The following SGCZ variants were observed in gnomAD, a reference collection of about 807,000 sequenced individuals.
The protein encoded by SGCZ is zeta-sarcoglycan.
In SGCZ, 40 loss-of-function variants were observed where a neutral mutation model predicts 41.3. The ratio of observed to expected loss-of-function variants is 0.97; its 90% CI spans 0.75 to 1.26. SGCZ has a LOEUF of 1.26. SGCZ is among the 50% of genes most tolerant of loss of function. The pLI is 0.00. For missense variants in SGCZ, 552 were observed against 369.8 expected, an observed-to-expected ratio of 1.49 and a Z score of -4.04; for synonymous variants, 206 against 137.5, an observed-to-expected ratio of 1.50 and a Z score of -3.49.
intron 2 of SGCZ, among the ~76,000 whole-genome samples, chr8:14,342,114 C>T (rs921291670): frequency 1.3e-5 from 2 of 152,028 alleles, no homozygotes; most frequent in Non-Finnish European, 2.9e-5. Context: ...AATGGCTTTG[C>T]CCAAATGCTG....
intron 7 of SGCZ, among the ~76,000 whole-genome samples, chr8:14,094,297 C>A (rs554909742): frequency 6.6e-6 from 1 of 152,092 alleles, no homozygotes; most frequent in East Asian, 1.9e-4. Context: ...CCCTAGCCCC[C>A]CCATGCCAGA....
intron 1 of SGCZ, among the ~76,000 whole-genome samples, chr8:14,935,811 T>A (rs1200540753): frequency 6.6e-6 from 1 of 151,324 alleles, no homozygotes; most frequent in African/African-American, 2.4e-5. Flanking sequence ...AGACGAAAGA[T>A]CAAAACAGCA....
In SGCZ at chr8:14,404,227, T is replaced by C. The variant is rs1291054320; in HGVS notation, c.235-80023A>G. Among the ~76,000 whole-genome samples the C allele has an allele frequency of 3.9e-5, 6 of 152,230 alleles. No individual in the cohort carries two copies. In the South Asian group the frequency reaches 8.3e-4, roughly 21 times the overall value. On this transcript the variant is annotated intron_variant, in intron 2 of 7. Transcript: ENST00000382080. Reference sequence around the variant, plus strand: ...ACATTTGTCAAGTGCAATTTGTTTTTTTAATCACATAAAACTTTGCCAGTG... The same window carrying C: ...ACATTTGTCAAGTGCAATTTGTTTTCTTAATCACATAAAACTTTGCCAGTG...
intron 1 of SGCZ, among the ~76,000 whole-genome samples, chr8:14,916,596 C>T (rs1799445074): frequency 6.6e-6 from 1 of 152,180 alleles, no homozygotes; most frequent in African/African-American, 2.4e-5. Context: ...AGTTAACAAA[C>T]TTGCCTTTAA....
At chr8:15,109,533 G>T (rs1304959672) in intron 1 of SGCZ, among the ~76,000 whole-genome samples, 1 of 152,090 alleles carries the variant, frequency 6.6e-6, no homozygotes, top group Non-Finnish European at 1.5e-5. Flanking sequence ...AGATTTAATT[G>T]CAAATTTGAA....
intron 1 of SGCZ, among the ~76,000 whole-genome samples, chr8:14,850,759 C>G (rs1337125375): frequency 6.6e-6 from 1 of 152,032 alleles, no homozygotes; most frequent in African/African-American, 2.4e-5. Flanking sequence ...GGCAGTTTCC[C>G]CACCGCTGTT....
At chr8:14,642,493 C>T (rs1807060454) in intron 1 of SGCZ, among the ~76,000 whole-genome samples, 1 of 151,278 alleles carries the variant, frequency 6.6e-6, no homozygotes, top group Non-Finnish European at 1.5e-5. Flanking sequence ...ATGTAAGTTA[C>T]AATATGTAAG....
chr8:15,161,018 G>A (rs1366586280), intron 1 of SGCZ, among the ~76,000 whole-genome samples: 1 of 152,056 alleles, frequency 6.6e-6, no homozygotes, highest in Non-Finnish European at 1.5e-5. Flanking sequence ...GTCAAATCAT[G>A]ATGCTCTCCT....
At chr8:14,231,056 G>T (rs974397697) in intron 4 of SGCZ, among the ~76,000 whole-genome samples, 2 of 151,766 alleles carry the variant, frequency 1.3e-5, no homozygotes, top group Non-Finnish European at 2.9e-5. Flanking sequence ...AAATGCTGAG[G>T]TTTTAATCAG....
intron 4 of SGCZ, among the ~76,000 whole-genome samples, chr8:14,220,269 C>A (rs754864868): frequency 6.6e-6 from 1 of 152,008 alleles, no homozygotes; most frequent in East Asian, 1.9e-4. Flanking sequence ...AACTACCATG[C>A]GCAATGGTAA....
Position 15,136,112 on chromosome 8 carries a change from T to A in SGCZ, c.39+101473A>T, listed in dbSNP as rs956480725. Among the ~76,000 whole-genome samples, 3 of 152,194 alleles carry A rather than the reference T, an allele frequency of 2.0e-5. 1 individual carries two copies. Among genetic ancestry groups the A allele is most frequent in the Admixed American group, 1.3e-4 (2 of 15,286 alleles). ...CTTATGGAAAGCTCCTTCTGTCCCA[T>A]CCCTGTTTTAGCTGGTCCTCAATTT... On this transcript the variant is annotated intron_variant, in intron 1 of 7. Coordinates refer to ENST00000382080, the MANE Select transcript of SGCZ (RefSeq NM_139167.4).
At chr8:14,909,041 A>G (rs1403436135) in intron 1 of SGCZ, among the ~76,000 whole-genome samples, 1 of 152,180 alleles carries the variant, frequency 6.6e-6, no homozygotes, top group Non-Finnish European at 1.5e-5. Context: ...ATGATGAGTC[A>G]ATTTTTCCAA....
intron 1 of SGCZ, among the ~76,000 whole-genome samples, chr8:14,588,812 A>C (rs1385524836): frequency 6.6e-6 from 1 of 152,176 alleles, no homozygotes; most frequent in Non-Finnish European, 1.5e-5. Flanking sequence ...AATTATTTTT[A>C]GAATGTTATC....
intron 1 of SGCZ, among the ~76,000 whole-genome samples, chr8:14,887,845 C>A (rs1239711547): frequency 6.6e-6 from 1 of 152,090 alleles, no homozygotes; most frequent in African/African-American, 2.4e-5. Context: ...CCAGATTCAT[C>A]CATATAGTTG....
At chr8:14,166,392 G>T (rs1161563825) in intron 4 of SGCZ, among the ~76,000 whole-genome samples, 1 of 152,018 alleles carries the variant, frequency 6.6e-6, no homozygotes, top group African/African-American at 2.4e-5. Context: ...CTTATTTTGT[G>T]CCATAGACGA....
chr8:15,151,550 C>G (rs1799180522), intron 1 of SGCZ, among the ~76,000 whole-genome samples: 1 of 152,110 alleles, frequency 6.6e-6, no homozygotes, highest in Non-Finnish European at 1.5e-5. Flanking sequence ...TTAGTCCTCT[C>G]TGAATAAAAT....
intron 2 of SGCZ, among the ~76,000 whole-genome samples, chr8:14,518,179 T>G (rs2117093285): frequency 6.6e-6 from 1 of 152,094 alleles, no homozygotes; most frequent in African/African-American, 2.4e-5. Context: ...TTTAATAAAA[T>G]ACTTCGTAAG....
chr8:14,281,288 T>C (rs1800424343), intron 3 of SGCZ, among the ~76,000 whole-genome samples: 1 of 151,992 alleles, frequency 6.6e-6, no homozygotes, highest in Non-Finnish European at 1.5e-5. Flanking sequence ...TTAGTATTTG[T>C]TTCATGATTA....
chr8:15,011,856 C>G (rs568836869), intron 1 of SGCZ, among the ~76,000 whole-genome samples: 26 of 152,244 alleles, frequency 1.7e-4, no homozygotes, highest in Non-Finnish European at 3.7e-4. Context: ...CTTTTAAAAT[C>G]ACAAAATTAT....
Sources: gnomAD v4.1 joint callset for allele counts (sites outside exome capture counted in the v4.1 genomes callset) on GRCh38, gnomAD v4.1.1 for gene constraint, MANE v1.5 for transcripts, NCBI Gene and HGNC (gene_info 2026-07-23, HGNC 2026-07-21) for gene names.